TUBB1: variants seen among roughly 807,000 people sequenced by gnomAD.
The protein encoded by TUBB1 is tubulin beta-1 chain.
In TUBB1, 28 loss-of-function variants were observed where a neutral mutation model predicts 22.6. That is an observed-to-expected ratio of 1.24 (90% CI 0.92 to 1.70). TUBB1 has a LOEUF of 1.70. Ranked by LOEUF, TUBB1 falls within the 40% of genes most tolerant of loss-of-function variation. The pLI is 0.00. For synonymous variants in TUBB1, 226 were observed against 238.0 expected (o/e 0.95, Z 0.46); for missense variants, 577 against 605.5 (o/e 0.95, Z 0.49).
Position 59,024,913 on chromosome 20 carries a change from C to CG in TUBB1, c.*131dup. On this transcript the variant is annotated 3_prime_UTR_variant, in exon 4 of 4. Coordinates refer to ENST00000217133, the MANE Select transcript of TUBB1 (RefSeq NM_030773.4). This position sits in a 1 kb window ranked among gnomAD's most constrained non-coding sequence, Gnocchi z 4.9. ...AATGATATGCACTCACCATTAGCTT[C>CG]GACACAGGGACTGAGGGAGACAGGT... 1.2e-6 allele frequency: 1 copy of CG among 839,186 alleles called. No individual in the cohort carries two copies. The highest frequency in any genetic ancestry group is 2.0e-6 in the Non-Finnish European group (1 of 505,086). The allele number at this position is 839,186 out of a possible 1,614,324, so 52.0% of individuals were successfully genotyped here.
chr20:59,016,964 A>C (rs2091947839), upstream of TUBB1, among the ~76,000 whole-genome samples: 1 of 152,228 alleles, frequency 6.6e-6, no homozygotes, highest in Non-Finnish European at 1.5e-5. Context: ...GAAATGTTAC[A>C]AGGGTATTAA....
rs936797828 is a variant in TUBB1 at position 59,025,188 on chromosome 20, GCTA to G, written c.*409_*411del. The G allele has an allele frequency of 2.4e-5, 7 of 296,046 alleles. No homozygotes were observed. The highest frequency in any genetic ancestry group is 4.0e-5 in the Non-Finnish European group (6 of 150,992). The allele number at this position is 296,046 out of a possible 1,614,324, so 18.3% of individuals were successfully genotyped here. A position where few individuals can be genotyped will look rare whatever the true frequency, so the allele number is the denominator to read the frequency against. ...TGGAATCCTCACTTGGTATCCGAGGGCTACTAAGACTCTTTCCTTAGGTTCTTT... is the reference window on the plus strand; with the variant it reads ...TGGAATCCTCACTTGGTATCCGAGGGCTAAGACTCTTTCCTTAGGTTCTTT... On this transcript the variant is annotated 3_prime_UTR_variant, in exon 4 of 4. Coordinates refer to ENST00000217133, the MANE Select transcript of TUBB1 (RefSeq NM_030773.4).
Position 59,024,138 on chromosome 20 carries a change from C to T in TUBB1, c.711C>T (p.Thr237=), listed in dbSNP as rs758051069. ...HLVSLTMSGI[T]TSLRFPGQLN... ...TGTCCTTGACCATGAGCGGCATAACCACCTCCCTCCGGTTCCCGGGTCAGC... is the reference window on the plus strand; with the variant it reads ...TGTCCTTGACCATGAGCGGCATAACTACCTCCCTCCGGTTCCCGGGTCAGC... The change falls in exon 4 of 4, where the codon ACC becomes ACT. Residue 237 remains threonine, a synonymous_variant. Transcript: ENST00000217133. The surrounding 1 kb of genome is among the most constrained non-coding windows in gnomAD (Gnocchi z 4.9). 65 of 1,614,104 alleles carry T rather than the reference C, an allele frequency of 4.0e-5. No homozygotes were observed. The highest frequency in any genetic ancestry group is 1.7e-5 in the Admixed American group (1 of 60,012).
Position 59,024,807 on chromosome 20 carries a change from A to C in TUBB1, c.*24A>C. On this transcript the variant is annotated 3_prime_UTR_variant, in exon 4 of 4. Transcript: ENST00000217133. The surrounding 1 kb of genome is among the most constrained non-coding windows in gnomAD (Gnocchi z 4.9). ...AACTGTGAGAGAAGCTGTGCCGCGG[A>C]GTCGCTTACAGAACAGTTTCTCATT... The C allele has an allele frequency of 6.2e-7, 1 of 1,609,132 alleles. No individual in the cohort carries two copies. The highest frequency in any genetic ancestry group is 1.1e-5 in the South Asian group (1 of 90,946).
chr20:59,024,303 G>T lies in TUBB1; in HGVS notation c.876G>T (p.Gln292His). 6.2e-7 allele frequency: 1 copy of T among 1,614,030 alleles called. No homozygotes were observed. Among genetic ancestry groups the T allele is most frequent in the South Asian group, 1.1e-5 (1 of 91,084 alleles). ...TCTCCGTGGCCGAGCTCACCCAGCA[G>T]ATGTTCGATGCCCGCAATACCATGG... ...RALSVAELTQ[Q>H]MFDARNTMAA... is the part of the protein sequence containing the mutation. The change falls in exon 4 of 4, where the codon CAG becomes CAT. Residue 292 changes from glutamine (Q) to histidine (H), a missense_variant. Physicochemically the swap from Gln to His is conservative, Grantham distance 24. Transcript: ENST00000217133. The surrounding 1 kb of genome is among the most constrained non-coding windows in gnomAD (Gnocchi z 4.9).
Position 59,022,706 on chromosome 20 carries a change from T to C in TUBB1, c.58-139T>C, listed in dbSNP as rs1422405185. 7 of 749,178 alleles carry C rather than the reference T, an allele frequency of 9.3e-6. No individual in the cohort carries two copies. In the Admixed American group the frequency reaches 1.2e-4, roughly 13 times the overall value. The allele number at this position is 749,178 out of a possible 1,614,324, so 46.4% of individuals were successfully genotyped here. ...CAAAAAGCGAATGATGCCATGGTTA[T>C]TTATGAAAAGGCCCTAAAAGAATGT... On this transcript the variant is annotated intron_variant, in intron 1 of 3. Transcript: ENST00000217133.
Position 59,024,732 on chromosome 20 carries a change from T to A in TUBB1, c.1305T>A (p.Asp435Glu), listed in dbSNP as rs34074666. The A allele has an allele frequency of 1.2e-6, 2 of 1,614,022 alleles. No homozygotes were observed. ...FQDAKAVLEE[D>E]EEVTEEAEME... ...ATGCCAAAGCAGTTCTAGAGGAAGA[T>A]GAAGAGGTCACGGAGGAGGCAGAAA... is the stretch of plus-strand genomic sequence containing the variant. The change falls in exon 4 of 4, where the codon GAT (aspartate) becomes GAA (glutamate). Residue 435 changes from aspartate to glutamate, a missense_variant. Transcript: ENST00000217133. This position sits in a 1 kb window ranked among gnomAD's most constrained non-coding sequence, Gnocchi z 4.9.
chr20:59,023,832 C>G lies in TUBB1; in HGVS notation c.405C>G (p.Ile135Met). 6 of 1,614,160 alleles carry G rather than the reference C, an allele frequency of 3.7e-6. No individual in the cohort carries two copies. The highest frequency in any genetic ancestry group is 1.3e-5 in the African/African-American group (1 of 75,036). The change falls in exon 4 of 4, where the codon ATC becomes ATG. Residue 135 changes from isoleucine (I) to methionine (M), a missense_variant. Ile to Met is a conservative substitution (Grantham distance 10). Coordinates refer to ENST00000217133, the MANE Select transcript of TUBB1 (RefSeq NM_030773.4). ...GTGACTGCCTGCAGGGCTTCCAGATCGTCCACTCCCTGGGCGGGGGCACAG... is the reference window on the plus strand; with the variant it reads ...GTGACTGCCTGCAGGGCTTCCAGATGGTCCACTCCCTGGGCGGGGGCACAG... ...ESCDCLQGFQ[I>M]VHSLGGGTGS...
At chr20:59,020,089 G>A (rs6026645) in intron 1 of TUBB1, among the ~76,000 whole-genome samples, 1 of 152,020 alleles carries the variant, frequency 6.6e-6, no homozygotes, top group Non-Finnish European at 1.5e-5. Flanking sequence ...TTGTTGCTCA[G>A]GCTGGTCTTG....
In TUBB1 at chr20:59,019,659, A is replaced by G; in HGVS notation, c.57+80A>G. ...AACCAAAAAAATACCCTAAGTTAGC[A>G]GGGAAGACAATAAGTCTAGCAGATT... On this transcript the variant is annotated intron_variant, in intron 1 of 3. Transcript: ENST00000217133. The G allele has an allele frequency of 1.2e-5, 17 of 1,391,354 alleles. No individual in the cohort carries two copies. In the South Asian group the frequency reaches 2.0e-4, roughly 16 times the overall value. The allele number at this position is 1,391,354 out of a possible 1,614,324, so 86.2% of individuals were successfully genotyped here. A position where few individuals can be genotyped will look rare whatever the true frequency, so the allele number is the denominator to read the frequency against.
Position 59,026,551 on chromosome 20 carries a change from G to T in TUBB1, c.*1768G>T, listed in dbSNP as rs1385388153. ...TTTTGCTGACTTATATTACTGTAAA[G>T]ATTTGTTTGCTCAATAGTAATCATT... is the stretch of plus-strand genomic sequence containing the variant. On this transcript the variant is annotated 3_prime_UTR_variant, in exon 4 of 4. Transcript: ENST00000217133. 1.3e-5 allele frequency: 2 copies of T among 152,200 alleles called. No homozygotes were observed. The highest frequency in any genetic ancestry group is 2.9e-5 in the Non-Finnish European group (2 of 68,032). 9.4% of individuals were successfully genotyped at this position (152,200 alleles called of 1,614,324 possible). A position where few individuals can be genotyped will look rare whatever the true frequency, so the allele number is the denominator to read the frequency against.
chr20:59,019,683 T>C, intron 1 of TUBB1, 104 bp downstream of exon 1: 1 of 1,174,870 alleles, frequency 8.5e-7, no homozygotes, highest in Non-Finnish European at 1.3e-6. Flanking sequence ...GTCTAGCAGA[T>C]TTAATGTACT....
At chr20:59,018,057 G>A (rs1257571183), upstream of TUBB1, among the ~76,000 whole-genome samples, 1 of 152,226 alleles carries the variant, frequency 6.6e-6, no homozygotes, top group African/African-American at 2.4e-5. Context: ...CCCTGTACCT[G>A]CCCACCTGCA....
intron 1 of TUBB1, 54 bp downstream of exon 1, chr20:59,019,633 CA>C (rs1217056289): frequency 6.3e-7 from 1 of 1,581,576 alleles, no homozygotes; most frequent in Non-Finnish European, 8.7e-7. Flanking sequence ...TAGAGGCGGA[CA>C]ACCAAAAAAA....
chr20:59,023,684 G>A (rs1252118004), intron 3 of TUBB1, 21 bp from the exon 4 acceptor site: 2 of 1,614,128 alleles, frequency 1.2e-6, no homozygotes, highest in South Asian at 1.1e-5. Flanking sequence ...TTCCCCTGCT[G>A]GTTTCTCTTT....
In TUBB1 at chr20:59,024,515, T is replaced by C. The variant is rs781256968; in HGVS notation, c.1088T>C (p.Met363Thr). ...GACATCCCGCCCCGGGGGCTGAGCA[T>C]GGCCGCCACCTTCATTGGCAACAAC... ...VCDIPPRGLS[M>T]AATFIGNNTA... Residue 363 changes from methionine (M) to threonine (T), a missense_variant, in exon 4 of 4, where the codon ATG (methionine) becomes ACG (threonine). Physicochemically the swap from Met to Thr is moderately conservative, Grantham distance 81 (BLOSUM62 -1). Coordinates refer to ENST00000217133, the MANE Select transcript of TUBB1 (RefSeq NM_030773.4). This position sits in a 1 kb window ranked among gnomAD's most constrained non-coding sequence, Gnocchi z 4.9. 1.7e-5 allele frequency: 28 copies of C among 1,614,054 alleles called. No individual in the cohort carries two copies. The highest frequency in any genetic ancestry group is 1.6e-4 in the Middle Eastern group (1 of 6,084).
At chr20:59,022,058 C>T (rs115721128) in intron 1 of TUBB1, among the ~76,000 whole-genome samples, 3,402 of 152,048 alleles carry the variant, frequency 0.022, 122 homozygotes, top group African/African-American at 0.079. Flanking sequence ...AAAGAAAGGC[C>T]GGGTGCTGTG....
Position 59,024,847 on chromosome 20 carries a change from C to CCTGCAGCACTCCAAAACCCACTCTGCA in TUBB1, c.*74_*100dup. The CCTGCAGCACTCCAAAACCCACTCTGCA allele has an allele frequency of 6.7e-7, 1 of 1,483,620 alleles. No homozygotes were observed. The allele number at this position is 1,483,620 out of a possible 1,614,324, so 91.9% of individuals were successfully genotyped here. On this transcript the variant is annotated 3_prime_UTR_variant, in exon 4 of 4. Transcript: ENST00000217133. This position sits in a 1 kb window ranked among gnomAD's most constrained non-coding sequence, Gnocchi z 4.9. ...AGTTTCTCATTAGATGAGTGTTTCT[C>CCTGCAGCACTCCAAAACCCACTCTGCA]CTGCAGCACTCCAAAACCCACTCTG...
At position 59,022,960 on chromosome 20, in the gene TUBB1, C is replaced by A. The variant is rs948467445; in HGVS notation, c.166+7C>A. 1 of 1,611,644 alleles carries A rather than the reference C, an allele frequency of 6.2e-7. No individual in the cohort carries two copies. The highest frequency in any genetic ancestry group is 1.3e-5 in the African/African-American group (1 of 74,814). On this transcript the variant is annotated splice_region_variant and intron_variant, in intron 2 of 3. Transcript: ENST00000217133. ...TACTACAACGAAGCCTACGGTAGGA[C>A]TGGCGGGGCTCTGGGAGCAGTGGTC...
Sources: gnomAD v4.1 joint callset for allele counts (sites outside exome capture counted in the v4.1 genomes callset) on GRCh38, gnomAD v4.1.1 for gene constraint, Gnocchi (gnomAD v3.1) non-coding constraint, MANE v1.5 for transcripts, NCBI Gene and HGNC (gene_info 2026-07-23, HGNC 2026-07-21) for gene names.